Variants in ANO10 observed in about 807,000 individuals in gnomAD.
ANO10 encodes anoctamin-10.
ANO10 carries 77 observed loss-of-function variants against 74.7 expected under a neutral mutation model. That is an observed-to-expected ratio of 1.03 (90% CI 0.86 to 1.25). The LOEUF is 1.25. ANO10 is among the 50% of genes most tolerant of loss of function. The pLI is 0.00. For synonymous variants in ANO10, 279 were observed against 284.9 expected (o/e 0.98, Z 0.21); for missense variants, 721 against 778.1 (o/e 0.93, Z 0.87).
At chr3:43,486,757 A>G (rs2076507804) in intron 11 of ANO10, among the ~76,000 whole-genome samples, 1 of 152,002 alleles carries the variant, frequency 6.6e-6, no homozygotes, top group African/African-American at 2.4e-5. Flanking sequence ...AAACAGGGAC[A>G]ATGTGACTTC....
At chr3:43,566,981 T>C (rs2080392281) in intron 7 of ANO10, among the ~76,000 whole-genome samples, 2 of 151,986 alleles carry the variant, frequency 1.3e-5, no homozygotes, top group South Asian at 2.1e-4. Context: ...TACAGAGAAG[T>C]GCTTAAAGGA....
At chr3:43,590,560 G>A (rs1297673500) in intron 4 of ANO10, among the ~76,000 whole-genome samples, 2 of 152,100 alleles carry the variant, frequency 1.3e-5, no homozygotes, top group African/African-American at 2.4e-5. Flanking sequence ...CAGTTTTCAG[G>A]AAAAACAGAG....
intron 12 of ANO10, among the ~76,000 whole-genome samples, chr3:43,396,082 T>G (rs575164656): frequency 4.5e-4 from 68 of 151,932 alleles, no homozygotes; most frequent in Non-Finnish European, 7.8e-4. Flanking sequence ...ATTTATTTTT[T>G]TTTTTTGCTT....
At chr3:43,546,998 T>C (rs2079222885) in intron 11 of ANO10, among the ~76,000 whole-genome samples, 1 of 152,090 alleles carries the variant, frequency 6.6e-6, no homozygotes. Flanking sequence ...CCATTATGAT[T>C]AAACTTTCAA....
At chr3:43,664,641 G>A (rs181407929) in intron 1 of ANO10, among the ~76,000 whole-genome samples, 60 of 152,148 alleles carry the variant, frequency 3.9e-4, no homozygotes, top group African/African-American at 1.2e-3. Context: ...ATCTGACAAC[G>A]GGCTAATATC....
intron 12 of ANO10, among the ~76,000 whole-genome samples, chr3:43,372,188 A>G (rs1276602322): frequency 6.6e-6 from 1 of 152,110 alleles, no homozygotes; most frequent in Non-Finnish European, 1.5e-5. Context: ...CATCTCAGGA[A>G]GCAGTGCCAC....
chr3:43,504,821 T>C (rs2077233428), intron 11 of ANO10, among the ~76,000 whole-genome samples: 1 of 152,106 alleles, frequency 6.6e-6, no homozygotes, highest in Non-Finnish European at 1.5e-5. Context: ...TTTGTATTTT[T>C]AGTAGAGACA....
chr3:43,575,047 T>C (rs1344979554), intron 6 of ANO10, among the ~76,000 whole-genome samples, 183 bp from the exon 7 acceptor site: 2 of 152,144 alleles, frequency 1.3e-5, no homozygotes, highest in Non-Finnish European at 2.9e-5. Context: ...GGGACACATT[T>C]TTCAGGGTAC....
chr3:43,369,944 A>G (rs1401055234), intron 12 of ANO10, among the ~76,000 whole-genome samples: 2 of 152,248 alleles, frequency 1.3e-5, no homozygotes, highest in Non-Finnish European at 2.9e-5. Context: ...AAATGGAGTC[A>G]GAGCCACAGA....
chr3:43,539,825 T>C (rs2078876736), intron 11 of ANO10, among the ~76,000 whole-genome samples: 1 of 152,212 alleles, frequency 6.6e-6, no homozygotes, highest in East Asian at 1.9e-4. Context: ...TTTCAGACAA[T>C]TGTTTTCTGA....
intron 11 of ANO10, among the ~76,000 whole-genome samples, chr3:43,487,843 A>C (rs965139936): frequency 4.6e-5 from 7 of 152,158 alleles, no homozygotes; most frequent in African/African-American, 1.7e-4. Flanking sequence ...GGAACCAAAA[A>C]AGAGCCCGCA....
At chr3:43,463,692 G>A (rs2075488920) in intron 11 of ANO10, among the ~76,000 whole-genome samples, 1 of 152,200 alleles carries the variant, frequency 6.6e-6, no homozygotes, top group Non-Finnish European at 1.5e-5. Flanking sequence ...AGAGACTCAG[G>A]TGGAAGGGAC....
At chr3:43,556,105 T>A (rs2079734663) in intron 9 of ANO10, among the ~76,000 whole-genome samples, 1 of 152,218 alleles carries the variant, frequency 6.6e-6, no homozygotes. Flanking sequence ...GTTCTCATGT[T>A]GTGTTGCAGC....
intron 12 of ANO10, among the ~76,000 whole-genome samples, chr3:43,412,350 G>GT (rs1209426693): frequency 6.6e-6 from 1 of 152,124 alleles, no homozygotes; most frequent in Non-Finnish European, 1.5e-5. Context: ...GATGCAGTCG[G>GT]TTTTAGGAGA....
chr3:43,541,360 C>T (rs1401105453), intron 11 of ANO10, among the ~76,000 whole-genome samples: 2 of 152,136 alleles, frequency 1.3e-5, no homozygotes, highest in Non-Finnish European at 2.9e-5. Context: ...TTCATTTAAT[C>T]CTCCTAAGTT....
intron 3 of ANO10, 120 bp from the exon 4 acceptor site, chr3:43,598,786 G>A: frequency 1.3e-6 from 1 of 791,960 alleles, no homozygotes; most frequent in Non-Finnish European, 1.9e-6. Flanking sequence ...AGTAATCAAA[G>A]TATGAAGCTG....
At chr3:43,374,000 A>G (rs1032884515) in intron 12 of ANO10, among the ~76,000 whole-genome samples, 5 of 152,352 alleles carry the variant, frequency 3.3e-5, no homozygotes, top group South Asian at 4.1e-4. Context: ...GGATACCCCA[A>G]ATATACACGA....
chr3:43,665,703 C>T (rs192591912), intron 1 of ANO10, among the ~76,000 whole-genome samples: 19 of 152,224 alleles, frequency 1.2e-4, no homozygotes, highest in African/African-American at 4.1e-4. Context: ...ATGAGTAATT[C>T]GCAAAATCTT....
At chr3:43,561,474 T>G in intron 8 of ANO10, 72 bp from the exon 9 acceptor site, 2 of 1,345,038 alleles carry the variant, frequency 1.5e-6, no homozygotes, top group South Asian at 2.6e-5. Flanking sequence ...ATAAATTATA[T>G]ATAAATTAAA....
Sources: gnomAD v4.1 joint callset for allele counts (sites outside exome capture counted in the v4.1 genomes callset) on GRCh38, gnomAD v4.1.1 for gene constraint, MANE v1.5 for transcripts, NCBI Gene and HGNC (gene_info 2026-07-23, HGNC 2026-07-21) for gene names.